The following DDC variants were observed in gnomAD, a reference collection of about 807,000 sequenced individuals.
DDC encodes the protein dopa decarboxylase.
A neutral mutation model predicts 60.0 loss-of-function variants in DDC; 43 were observed. The ratio of observed to expected loss-of-function variants is 0.72; its 90% CI spans 0.56 to 0.92. The LOEUF (loss-of-function observed/expected upper bound fraction) is 0.92, where lower values mean the gene tolerates loss of function less well. DDC is among the 40% of genes least tolerant of loss of function. DDC has a pLI of 0.00. For missense variants in DDC, 573 were observed against 620.2 expected (o/e 0.92, Z 0.81); for synonymous variants, 232 against 234.6 (o/e 0.99, Z 0.10).
chr7:50,556,943 G>A (rs2045208232), intron 1 of DDC, among the ~76,000 whole-genome samples: 1 of 152,194 alleles, frequency 6.6e-6, no homozygotes, highest in Non-Finnish European at 1.5e-5. Flanking sequence ...GCAGCTGCTG[G>A]CTGACGTCTT....
chr7:50,532,976 A>C (rs948506599), intron 4 of DDC, among the ~76,000 whole-genome samples: 6 of 152,206 alleles, frequency 3.9e-5, no homozygotes, highest in Non-Finnish European at 8.8e-5. Context: ...GTGTCCTCCA[A>C]AATTTTTTTT....
At chr7:50,535,187 C>T (rs1349047078) in intron 4 of DDC, among the ~76,000 whole-genome samples, 1 of 151,624 alleles carries the variant, frequency 6.6e-6, no homozygotes, top group African/African-American at 2.4e-5. Context: ...ATGGAGTTTC[C>T]CTCTCGTCAA....
At chr7:50,494,787 G>T (rs930693797) in intron 9 of DDC, among the ~76,000 whole-genome samples, 3 of 151,854 alleles carry the variant, frequency 2.0e-5, no homozygotes, top group African/African-American at 7.3e-5. Context: ...TCAGCCTCCT[G>T]AGTAGCTGGG....
At chr7:50,462,117 C>G (rs2042285992) in intron 14 of DDC, among the ~76,000 whole-genome samples, 1 of 151,198 alleles carries the variant, frequency 6.6e-6, no homozygotes, top group Admixed American at 6.6e-5. Flanking sequence ...TTCTAAATCC[C>G]CCACGGGTTA....
At chr7:50,490,143 A>G (rs979274882) in intron 9 of DDC, among the ~76,000 whole-genome samples, 1 of 152,184 alleles carries the variant, frequency 6.6e-6, no homozygotes, top group Admixed American at 6.5e-5. Context: ...ACATTTTCAG[A>G]TTGCCTTGAG....
chr7:50,470,797 C>T (rs568962767), intron 11 of DDC, among the ~76,000 whole-genome samples: 85 of 152,326 alleles, frequency 5.6e-4, no homozygotes, highest in African/African-American at 2.0e-3. Context: ...AGTCAGTTGA[C>T]CGGCCCCCAC....
chr7:50,464,096 T>C (rs552742751), intron 13 of DDC, among the ~76,000 whole-genome samples: 37 of 152,016 alleles, frequency 2.4e-4, no homozygotes, highest in African/African-American at 8.4e-4. Flanking sequence ...TGCTCCTCTG[T>C]CCTTCTTCTG....
chr7:50,533,162 C>T (rs1299295343), intron 4 of DDC, among the ~76,000 whole-genome samples: 4 of 152,050 alleles, frequency 2.6e-5, no homozygotes, highest in African/African-American at 7.3e-5. Context: ...AATCCATATG[C>T]GTAGTATCAT....
chr7:50,561,126 G>T (rs11575271), intron 1 of DDC: 1 of 152,164 alleles, frequency 6.6e-6, no homozygotes, highest in East Asian at 1.9e-4. Flanking sequence ...CTGCCTCCCC[G>T]AAGCCAATCA....
intron 6 of DDC, among the ~76,000 whole-genome samples, chr7:50,511,151 AATAC>A (rs1397166762): frequency 1.3e-5 from 2 of 151,320 alleles, no homozygotes; most frequent in African/African-American, 2.4e-5. Flanking sequence ...ATAAAATACA[AATAC>A]ATACATATAT....
intron 4 of DDC, among the ~76,000 whole-genome samples, chr7:50,536,437 T>C (rs2044415028): frequency 6.6e-6 from 1 of 152,166 alleles, no homozygotes; most frequent in Non-Finnish European, 1.5e-5. Flanking sequence ...ATAAACTAAG[T>C]TGACTGAGAC....
intron 1 of DDC, among the ~76,000 whole-genome samples, chr7:50,548,934 A>G (rs2044893103): frequency 6.6e-6 from 1 of 152,224 alleles, no homozygotes. Flanking sequence ...ATGCTTACTT[A>G]TTATTCTGAA....
intron 3 of DDC, among the ~76,000 whole-genome samples, chr7:50,538,461 C>T (rs751491543): frequency 8.5e-5 from 13 of 152,174 alleles, no homozygotes; most frequent in Non-Finnish European, 1.8e-4. Context: ...GATTGAGTCT[C>T]CACCTTCATA....
At chr7:50,462,768 GTTTTTTTTTTTTTT>G (rs11302809) in intron 14 of DDC, among the ~76,000 whole-genome samples, 1 of 98,364 alleles carries the variant, frequency 1.0e-5, no homozygotes, top group African/African-American at 3.9e-5. Context: ...TCTTCTTCTT[GTTTTTTTTTTTTTT>G]TTTTTTTGGA....
intron 14 of DDC, among the ~76,000 whole-genome samples, chr7:50,462,241 A>AG (rs1554410901): frequency 3.3e-5 from 5 of 150,652 alleles, no homozygotes; most frequent in Admixed American, 2.7e-4. Flanking sequence ...AAAAAAAAAA[A>AG]AAAAAAAGAA....
intron 14 of DDC, among the ~76,000 whole-genome samples, chr7:50,462,226 C>CAAAAAGAAAAAAAAAAAA (rs2042290319): frequency 1.3e-5 from 1 of 75,378 alleles, no homozygotes; most frequent in Non-Finnish European, 2.4e-5. Flanking sequence ...GACAAAAAGA[C>CAAAAAGAAAAAAAAAAAA]AAAAAAAAAA....
chr7:50,516,499 A>G (rs2043736164), intron 6 of DDC, among the ~76,000 whole-genome samples: 2 of 152,138 alleles, frequency 1.3e-5, no homozygotes, highest in South Asian at 4.1e-4. Flanking sequence ...CTGACATTCT[A>G]AGGACACACC....
chr7:50,491,472 T>C (rs1390627396), intron 9 of DDC, among the ~76,000 whole-genome samples: 1 of 152,162 alleles, frequency 6.6e-6, no homozygotes, highest in Non-Finnish European at 1.5e-5. Context: ...ACCCCAAGAC[T>C]AGAGACGCAT....
rs114854494 is a variant in DDC at position 50,516,364 on chromosome 7, A to T, written c.714+11773T>A. The stretch of plus-strand genomic sequence containing the variant: ...AACAAAATCAAGATGGAAATTTAAA[A>T]ATTCTTCAAACAGAACAACAGTAAC... On this transcript the variant is annotated intron_variant, in intron 6 of 14. Coordinates refer to ENST00000444124, the MANE Select transcript of DDC (RefSeq NM_001082971.2). 1.9e-3 allele frequency among the ~76,000 whole-genome samples: 293 copies of T among 152,286 alleles called. 2 individuals carry two copies. Among genetic ancestry groups the T allele is most frequent in the African/African-American group, 6.7e-3 (278 of 41,562 alleles).
Sources: allele counts gnomAD v4.1 joint callset (sites outside exome capture counted in the v4.1 genomes callset), GRCh38; gene constraint gnomAD v4.1.1; transcripts MANE v1.5; gene names NCBI Gene and HGNC (gene_info 2026-07-23, HGNC 2026-07-21).